SEC63: variants seen among roughly 807,000 people sequenced by gnomAD.
SEC63 encodes translocation protein SEC63 homolog.
In SEC63, 56 loss-of-function variants were observed where a neutral mutation model predicts 116.2. That is an observed-to-expected ratio of 0.48 (90% CI 0.39 to 0.60). SEC63 has a LOEUF of 0.60. SEC63 is among the 20% of genes least tolerant of loss of function. The probability of loss-of-function intolerance (pLI) is 0.00; values close to 1 mark genes in which losing one functional copy is unlikely to be tolerated. For synonymous variants in SEC63, 273 were observed against 294.6 expected (o/e 0.93, Z 0.75); for missense variants, 668 against 900.0 (o/e 0.74, Z 3.30).
chr6:107,913,648 T>C (rs1787335824), intron 4 of SEC63, among the ~76,000 whole-genome samples: 1 of 152,208 alleles, frequency 6.6e-6, no homozygotes, highest in South Asian at 2.1e-4. Flanking sequence ...TAATTCCTGG[T>C]TGGCCCATGG....
rs1408460691 is a variant in SEC63, at chr6:107,901,498, T to C, written c.1229A>G (p.Gln410Arg). 1 of 1,594,386 alleles carries C rather than the reference T, an allele frequency of 6.3e-7. No homozygotes were observed. The highest frequency in any genetic ancestry group is 8.6e-7 in the Non-Finnish European group (1 of 1,162,946). The change falls in exon 13 of 21, where the codon CAG becomes CGG. Residue 410 changes from glutamine to arginine, a missense_variant. Physicochemically the swap from Gln to Arg is conservative, Grantham distance 43. Around this residue, in one of 5 missense-constraint regions of SEC63, gnomAD observed 430 missense variants for 557.5 expected, o/e 0.77. Transcript: ENST00000369002. ...TGATTCTTTTAAACTCACCAAATCCTGGATAGTTTTAATTTTATACTGAAT... is the reference window on the plus strand; with the variant it reads ...TGATTCTTTTAAACTCACCAAATCCCGGATAGTTTTAATTTTATACTGAAT... The part of the protein sequence containing the change: ...NHKKYKIKTI[Q>R]DLVSLKESDR...
intron 1 of SEC63, among the ~76,000 whole-genome samples, chr6:107,948,772 T>C (rs1583780145): frequency 6.6e-6 from 1 of 152,190 alleles, no homozygotes; most frequent in East Asian, 1.9e-4. Flanking sequence ...CAACTGCTTT[T>C]CTTCTCCTCC....
In SEC63 at chr6:107,958,204, G is replaced by A; in HGVS notation, c.-195C>T. 1 of 762,846 alleles carries A rather than the reference G, an allele frequency of 1.3e-6. No individual in the cohort carries two copies. The highest frequency in any genetic ancestry group is 2.1e-6 in the Non-Finnish European group (1 of 467,958). 47.3% of individuals were successfully genotyped at this position (762,846 alleles called of 1,614,324 possible). The stretch of plus-strand genomic sequence containing the variant: ...TGCCGCCGCCGTCGCCAGCTCTCGC[G>A]AGAGGAGATAGTTCCCGCCCCGCTC... On this transcript the variant is annotated 5_prime_UTR_variant, in exon 1 of 21. Coordinates refer to ENST00000369002, the MANE Select transcript of SEC63 (RefSeq NM_007214.5).
chr6:107,946,772 G>A (rs976014082), intron 1 of SEC63, among the ~76,000 whole-genome samples: 1 of 152,206 alleles, frequency 6.6e-6, no homozygotes, highest in Non-Finnish European at 1.5e-5. Context: ...GGGAGGCTGA[G>A]GCGGGCGGAT....
chr6:107,954,890 A>G (rs1267395532), intron 1 of SEC63: 1 of 152,254 alleles, frequency 6.6e-6, no homozygotes, highest in Non-Finnish European at 1.5e-5. Context: ...CAATTTTCAT[A>G]ATGATTAGAA....
At position 107,935,009 on chromosome 6, in the gene SEC63, G is replaced by A. The variant is rs1405454087; in HGVS notation, c.125-5495C>T. ...AGGGAGGTGGGGGGGTCAGCCCCCC[G>A]CCCGGCCAGCCACCCCGTCCGGGAG... On this transcript the variant is annotated intron_variant, in intron 1 of 20. Transcript: ENST00000369002. 6.2e-5 allele frequency among the ~76,000 whole-genome samples: 8 copies of A among 128,120 alleles called. No individual in the cohort carries two copies. The East Asian group carries it at 1.2e-3, about 20-fold the overall frequency. 84.1% of individuals were successfully genotyped at this position (128,120 alleles called of 152,430 possible).
At position 107,881,674 on chromosome 6, in the gene SEC63, A is replaced by G. The variant is rs866369990; in HGVS notation, c.1834-424T>C. On this transcript the variant is annotated intron_variant, in intron 17 of 20. Transcript: ENST00000369002. ...AAGCCCAAAGTATGAACTCCTGAGT[A>G]AAGCCTCCCATAAATTTCCTTCTAC... Among the ~76,000 whole-genome samples the G allele has an allele frequency of 4.6e-5, 7 of 152,272 alleles. 1 individual carries two copies. The Middle Eastern group carries it at 0.01, about 222-fold the overall frequency.
intron 1 of SEC63, among the ~76,000 whole-genome samples, chr6:107,949,029 C>T (rs988262373): frequency 6.6e-6 from 1 of 152,196 alleles, no homozygotes; most frequent in Non-Finnish European, 1.5e-5. Context: ...TCCAATTAAT[C>T]CACCTTGTCT....
Position 107,957,871 on chromosome 6 carries a change from G to A in SEC63, c.124+15C>T, listed in dbSNP as rs781219149. 4.4e-6 allele frequency: 7 copies of A among 1,607,366 alleles called. No individual in the cohort carries two copies. Among genetic ancestry groups the A allele is most frequent in the Non-Finnish European group, 5.9e-6 (7 of 1,176,988 alleles). ...GGCCTGCGCGGGTTCGCGGGCAAAG[G>A]CCGGCGGGACTCACCGGCATTCTGA... On this transcript the variant is annotated intron_variant, in intron 1 of 20. Coordinates refer to ENST00000369002, the MANE Select transcript of SEC63 (RefSeq NM_007214.5).
chr6:107,908,196 C>G (rs1044585050), intron 8 of SEC63, among the ~76,000 whole-genome samples: 1 of 151,904 alleles, frequency 6.6e-6, no homozygotes, highest in African/African-American at 2.4e-5. Context: ...AACTTACATT[C>G]TTTTATTTTA....
intron 7 of SEC63, chr6:107,911,112 G>T: frequency 5.7e-6 from 3 of 530,078 alleles, no homozygotes; most frequent in African/African-American, 1.9e-5. Context: ...TTTTTTTTCA[G>T]TTGGGGTCTC....
rs550048672 is a variant in SEC63, at chr6:107,930,476, G to A, written c.125-962C>T. On this transcript the variant is annotated intron_variant, in intron 1 of 20. Transcript: ENST00000369002. ...TACAAAATTAGCCAGGCGTGGTGGT[G>A]CATGCCTGTAATCCCAGCTACTTGG... is the stretch of plus-strand genomic sequence containing the variant. Among the ~76,000 whole-genome samples the A allele has an allele frequency of 1.2e-3, 175 of 151,826 alleles. 2 individuals carry two copies. Among genetic ancestry groups the A allele is most frequent in the African/African-American group, 4.1e-3 (169 of 41,400 alleles).
At chr6:107,906,857 G>T in intron 8 of SEC63, 80 bp from the exon 9 acceptor site, 5 of 1,053,338 alleles carry the variant, frequency 4.7e-6, no homozygotes, top group South Asian at 1.3e-5. Flanking sequence ...TAATTCACTT[G>T]AAAGTGAAGC....
chr6:107,933,975 G>C (rs958883647), intron 1 of SEC63, among the ~76,000 whole-genome samples: 1 of 152,334 alleles, frequency 6.6e-6, no homozygotes, highest in Middle Eastern at 3.4e-3. Flanking sequence ...CGCCAGCCTC[G>C]GCCTCCCGAG....
intron 1 of SEC63, among the ~76,000 whole-genome samples, chr6:107,935,121 G>A (rs1482155195): frequency 1.4e-5 from 2 of 143,736 alleles, no homozygotes; most frequent in Non-Finnish European, 3.1e-5. Context: ...AGGGAGGTGG[G>A]GGGGTCAGCC....
In SEC63 at chr6:107,918,315, C is replaced by T. The variant is rs117920548; in HGVS notation, c.452+3482G>A. Among the ~76,000 whole-genome samples the T allele has an allele frequency of 6.1e-3, 931 of 152,266 alleles. 8 individuals carry two copies. The highest frequency in any genetic ancestry group is 0.037 in the Middle Eastern group (11 of 294). ...CAACGCACGTGGTCACTCAAGAACT[C>T]TGATGGAGCTGTACAAACAGATTAA... is the stretch of plus-strand genomic sequence containing the variant. On this transcript the variant is annotated intron_variant, in intron 4 of 20. Transcript: ENST00000369002.
At chr6:107,917,926 AAAC>A (rs556916511) in intron 4 of SEC63, among the ~76,000 whole-genome samples, 75 of 152,334 alleles carry the variant, frequency 4.9e-4, no homozygotes, top group African/African-American at 1.7e-3. Flanking sequence ...GAAGGTGGCT[AAAC>A]AACAAATTTT....
intron 16 of SEC63, among the ~76,000 whole-genome samples, chr6:107,886,315 A>C (rs2114413047): frequency 6.6e-6 from 1 of 152,324 alleles, no homozygotes; most frequent in Non-Finnish European, 1.5e-5. Context: ...TGCCGCAATA[A>C]ACATACATCT....
chr6:107,871,949 A>C (rs966503681), intron 20 of SEC63, 102 bp from the exon 21 acceptor site: 4 of 1,172,604 alleles, frequency 3.4e-6, no homozygotes, highest in Non-Finnish European at 1.2e-6. Flanking sequence ...AATTACAAAG[A>C]AATAGTTTTT....
Sources: allele counts gnomAD v4.1 joint callset (sites outside exome capture counted in the v4.1 genomes callset), GRCh38; gene constraint gnomAD v4.1.1; regional missense constraint gnomAD v4.1.1; transcripts MANE v1.5; gene names NCBI Gene and HGNC (gene_info 2026-07-23, HGNC 2026-07-21).